The following AIG1 variants were observed in gnomAD, a reference collection of about 807,000 sequenced individuals.
The protein encoded by AIG1 is androgen-induced gene 1 protein.
AIG1 carries 23 observed loss-of-function variants against 31.4 expected under a neutral mutation model. The ratio of observed to expected loss-of-function variants is 0.73; its 90% CI spans 0.53 to 1.04. AIG1 has a LOEUF of 1.04. AIG1 is among the 50% of genes least tolerant of loss of function. The pLI is 0.00. For missense variants in AIG1, 274 were observed against 295.0 expected (o/e 0.93, Z 0.52); for synonymous variants, 100 against 110.5 (o/e 0.90, Z 0.60).
intron 4 of AIG1, among the ~76,000 whole-genome samples, chr6:143,320,154 A>G (rs991714693): frequency 3.3e-5 from 5 of 152,238 alleles, no homozygotes; most frequent in African/African-American, 1.2e-4. Context: ...AATGCAAATT[A>G]AAGCTACAAT....
chr6:143,064,503 C>G (rs1158258896), intron 1 of AIG1, among the ~76,000 whole-genome samples: 2 of 152,104 alleles, frequency 1.3e-5, no homozygotes, highest in East Asian at 3.8e-4. Context: ...CTTCTGACCT[C>G]CAGAATTGTA....
chr6:143,087,830 A>C (rs1267187047), intron 1 of AIG1, among the ~76,000 whole-genome samples: 1 of 152,218 alleles, frequency 6.6e-6, no homozygotes, highest in Non-Finnish European at 1.5e-5. Context: ...TATTCTCGCT[A>C]TAGAATGGGA....
chr6:143,341,728 G>A (rs1777860678), downstream of AIG1, among the ~76,000 whole-genome samples: 1 of 152,166 alleles, frequency 6.6e-6, no homozygotes, highest in Admixed American at 6.5e-5. Context: ...TAAGCCACCA[G>A]TCAGTGGACT....
chr6:143,131,514 A>G (rs1298553636), intron 1 of AIG1, among the ~76,000 whole-genome samples: 3 of 152,248 alleles, frequency 2.0e-5, no homozygotes, highest in African/African-American at 7.2e-5. Context: ...TGAGGAAAGC[A>G]GAAAGGAAAG....
intron 3 of AIG1, among the ~76,000 whole-genome samples, chr6:143,208,874 A>C (rs1232322674): frequency 1.3e-5 from 2 of 152,098 alleles, no homozygotes; most frequent in African/African-American, 4.8e-5. Context: ...GACAGAAATG[A>C]AGGTGGTGGA....
chr6:143,225,614 TTGA>T (rs1462607679), intron 3 of AIG1, among the ~76,000 whole-genome samples: 6 of 152,210 alleles, frequency 3.9e-5, no homozygotes, highest in African/African-American at 1.4e-4. Context: ...CATCTTCATG[TTGA>T]TGTTATTAGC....
rs534719226 is a variant in AIG1, at chr6:143,288,903, G to A, written c.515+4678G>A. 2.0e-5 allele frequency among the ~76,000 whole-genome samples: 3 copies of A among 152,320 alleles called. No homozygotes were observed. The highest frequency in any genetic ancestry group is 4.4e-5 in the Non-Finnish European group (3 of 68,038). ...AGTAGTGGGTGGTTACAAGTCATAG[G>A]TGAATTCAAAGATTTCTGTGGTTGG... On this transcript the variant is annotated intron_variant, in intron 4 of 5. Transcript: ENST00000357847. This position sits in a 1 kb window ranked among gnomAD's most constrained non-coding sequence, Gnocchi z 4.4.
chr6:143,321,584 T>C (rs111763785), intron 4 of AIG1, among the ~76,000 whole-genome samples: 4 of 151,662 alleles, frequency 2.6e-5, no homozygotes, highest in Non-Finnish European at 5.9e-5. Flanking sequence ...AGAGGAAGAC[T>C]GTATAAAAAA....
intron 4 of AIG1, among the ~76,000 whole-genome samples, chr6:143,320,105 G>A (rs1776085505): frequency 1.3e-5 from 2 of 152,098 alleles, no homozygotes; most frequent in Non-Finnish European, 2.9e-5. Context: ...CACACGGCCA[G>A]CAAATATACA....
chr6:143,234,287 A>G (rs937550726), intron 3 of AIG1, among the ~76,000 whole-genome samples: 2 of 152,342 alleles, frequency 1.3e-5, no homozygotes, highest in Non-Finnish European at 2.9e-5. Flanking sequence ...ACACAAACAC[A>G]CACACACTTA....
chr6:143,229,173 A>G (rs1030034169), intron 3 of AIG1, among the ~76,000 whole-genome samples: 1 of 152,256 alleles, frequency 6.6e-6, no homozygotes. Flanking sequence ...TGCAATTTGA[A>G]CAAAGCACAT....
chr6:143,060,336 C>G (rs973443317), upstream of AIG1, among the ~76,000 whole-genome samples: 1 of 152,194 alleles, frequency 6.6e-6, no homozygotes, highest in Admixed American at 6.5e-5. Flanking sequence ...GGTTTACACC[C>G]CACGTTCACA....
intron 1 of AIG1, among the ~76,000 whole-genome samples, chr6:143,080,071 C>A (rs1778082659): frequency 1.3e-5 from 2 of 151,460 alleles, no homozygotes; most frequent in Admixed American, 6.5e-5. Flanking sequence ...TCACCTTTCC[C>A]AGCTAGGCCT....
intron 1 of AIG1, among the ~76,000 whole-genome samples, chr6:143,077,764 C>T (rs1777865633): frequency 6.6e-6 from 1 of 152,198 alleles, no homozygotes; most frequent in Admixed American, 6.5e-5. Context: ...ATTATTTCTT[C>T]AAATATTTTT....
intron 3 of AIG1, among the ~76,000 whole-genome samples, chr6:143,240,309 G>T (rs1447603679): frequency 6.6e-6 from 1 of 152,180 alleles, no homozygotes; most frequent in African/African-American, 2.4e-5. Flanking sequence ...ACAGAATACT[G>T]TACAAGTGCT....
chr6:143,281,691 G>A (rs1168139815), intron 3 of AIG1, among the ~76,000 whole-genome samples: 1 of 152,042 alleles, frequency 6.6e-6, no homozygotes, highest in Non-Finnish European at 1.5e-5. Flanking sequence ...GCTAATTTAT[G>A]TTTGTTAATA....
At chr6:143,269,402 T>C (rs1002037622) in intron 3 of AIG1, among the ~76,000 whole-genome samples, 1 of 152,202 alleles carries the variant, frequency 6.6e-6, no homozygotes, top group Non-Finnish European at 1.5e-5. Flanking sequence ...GGAAAACTCT[T>C]TGACTCTGTC....
At chr6:143,097,886 G>A (rs1257326473) in intron 1 of AIG1, among the ~76,000 whole-genome samples, 1 of 152,158 alleles carries the variant, frequency 6.6e-6, no homozygotes, top group Non-Finnish European at 1.5e-5. Flanking sequence ...TAGAAGAAGT[G>A]TCTGTGCTTC....
chr6:143,219,160 A>T (rs183652745), intron 3 of AIG1, among the ~76,000 whole-genome samples: 2 of 152,378 alleles, frequency 1.3e-5, no homozygotes, highest in African/African-American at 2.4e-5. Context: ...AGCAAATGCC[A>T]TATCTGTAAA....
Sources: gnomAD v4.1 joint callset for allele counts (sites outside exome capture counted in the v4.1 genomes callset) on GRCh38, gnomAD v4.1.1 for gene constraint, Gnocchi (gnomAD v3.1) non-coding constraint, MANE v1.5 for transcripts, NCBI Gene and HGNC (gene_info 2026-07-23, HGNC 2026-07-21) for gene names.